KANSL1: variants seen among roughly 807,000 people sequenced by gnomAD.
The protein encoded by KANSL1 is MLL1/MLL complex subunit KANSL1.
Under a neutral mutation model 103.6 loss-of-function variants are expected in KANSL1, and 22 were observed. That is an observed-to-expected ratio of 0.21 (90% CI 0.15 to 0.30). The LOEUF is 0.30. KANSL1 is among the 10% of genes least tolerant of loss of function. The pLI is 1.00. For missense variants in KANSL1, 1,337 were observed against 1,399.8 expected, an observed-to-expected ratio of 0.96 and a Z score of 0.72; for synonymous variants, 600 against 527.6, an observed-to-expected ratio of 1.14 and a Z score of -1.88.
At chr17:46,206,478 C>T (rs1355575736) in intron 1 of KANSL1, among the ~76,000 whole-genome samples, 1 of 152,222 alleles carries the variant, frequency 6.6e-6, no homozygotes, top group Non-Finnish European at 1.5e-5. Flanking sequence ...ATAATCCCAG[C>T]ATTTGGGGAG....
chr17:46,055,947 G>C (rs1045424198), intron 6 of KANSL1, among the ~76,000 whole-genome samples: 1 of 152,166 alleles, frequency 6.6e-6, no homozygotes, highest in Non-Finnish European at 1.5e-5. Flanking sequence ...GAAAACGGCT[G>C]CATTTCTGCC....
intron 2 of KANSL1, among the ~76,000 whole-genome samples, chr17:46,112,187 T>G (rs1486286466): frequency 6.6e-6 from 1 of 151,728 alleles, no homozygotes; most frequent in Non-Finnish European, 1.5e-5. Context: ...ACCAACATGG[T>G]GAAACCCCAT....
intron 3 of KANSL1, among the ~76,000 whole-genome samples, chr17:46,090,912 T>C (rs2079359097): frequency 6.6e-6 from 1 of 150,776 alleles, no homozygotes; most frequent in African/African-American, 2.4e-5. Flanking sequence ...AAAGCTATGT[T>C]ACTGTTACAC....
intron 2 of KANSL1, among the ~76,000 whole-genome samples, chr17:46,136,112 G>A (rs1400799262): frequency 6.6e-6 from 1 of 152,144 alleles, no homozygotes. Flanking sequence ...CCACTGAGAA[G>A]CTGGGCACTG....
At chr17:46,220,478 AG>A (rs1441890551) in intron 1 of KANSL1, among the ~76,000 whole-genome samples, 1 of 152,150 alleles carries the variant, frequency 6.6e-6, no homozygotes, top group Non-Finnish European at 1.5e-5. Context: ...GGCCTCCCAA[AG>A]TGCTGGGATT....
At chr17:46,063,868 A>G (rs1281782666) in intron 6 of KANSL1, among the ~76,000 whole-genome samples, 2 of 150,558 alleles carry the variant, frequency 1.3e-5, no homozygotes, top group African/African-American at 2.4e-5. Flanking sequence ...AAAACAGAGG[A>G]AGGGTGCTTT....
At chr17:46,114,115 C>A (rs182566184) in intron 2 of KANSL1, among the ~76,000 whole-genome samples, 1 of 152,212 alleles carries the variant, frequency 6.6e-6, no homozygotes, top group African/African-American at 2.4e-5. Context: ...AATCCCAGCA[C>A]AATGGGAGGC....
intron 2 of KANSL1, among the ~76,000 whole-genome samples, chr17:46,148,494 A>C (rs1311337453): frequency 6.6e-6 from 1 of 152,202 alleles, no homozygotes; most frequent in Non-Finnish European, 1.5e-5. Flanking sequence ...CTCTGAACTA[A>C]TTATTTAACA....
chr17:46,032,886 A>T (rs1033062517), intron 13 of KANSL1, among the ~76,000 whole-genome samples, 194 bp downstream of exon 13: 16 of 152,188 alleles, frequency 1.1e-4, no homozygotes, highest in Admixed American at 1.0e-3. Flanking sequence ...TTGGCTCCTT[A>T]TATCTCCACT....
At chr17:46,144,645 AC>A (rs1178906038) in intron 2 of KANSL1, among the ~76,000 whole-genome samples, 3 of 152,048 alleles carry the variant, frequency 2.0e-5, no homozygotes, top group Non-Finnish European at 4.4e-5. Flanking sequence ...ATCCCCCTTC[AC>A]CAAAAAGATT....
intron 3 of KANSL1, among the ~76,000 whole-genome samples, chr17:46,084,381 C>CCAACAA (rs74515016): frequency 0.14 from 21,440 of 151,214 alleles, 2,047 homozygotes; most frequent in Middle Eastern, 0.22. Context: ...GGCTCTATCT[C>CCAACAA]CAACAACAAC....
intron 2 of KANSL1, chr17:46,170,149 A>C (rs1294212781): frequency 6.6e-6 from 1 of 150,724 alleles, no homozygotes; most frequent in Non-Finnish European, 1.5e-5. Context: ...AACTGTCTCA[A>C]AACAAAACAA....
intron 1 of KANSL1, among the ~76,000 whole-genome samples, chr17:46,174,737 C>T (rs1657445148): frequency 6.6e-6 from 1 of 152,118 alleles, no homozygotes. Context: ...TGCAGCGGCA[C>T]AATCATGGCT....
At chr17:46,157,002 G>A (rs754286361) in intron 2 of KANSL1, 1 of 152,238 alleles carries the variant, frequency 6.6e-6, no homozygotes, top group South Asian at 2.1e-4. Flanking sequence ...CTAACCACCA[G>A]AGAAGTGTTT....
intron 2 of KANSL1, among the ~76,000 whole-genome samples, chr17:46,101,355 T>C (rs914464877): frequency 6.6e-6 from 1 of 152,202 alleles, no homozygotes; most frequent in African/African-American, 2.4e-5. Flanking sequence ...AACATATAAA[T>C]TGACCTCTGC....
chr17:46,171,691 T>C lies in KANSL1; in HGVS notation c.453A>G (p.Gln151=). 1 of 1,554,702 alleles carries C rather than the reference T, an allele frequency of 6.4e-7. No homozygotes were observed. The highest frequency in any genetic ancestry group is 8.7e-7 in the Non-Finnish European group (1 of 1,154,964). The change falls in exon 2 of 15, where the codon CAA becomes CAG. Residue 151 remains glutamine, a synonymous_variant. Transcript: ENST00000432791. The part of the protein sequence containing the change: ...MNTSGQTALP[Q]APVNGLAKKL... The stretch of plus-strand genomic sequence containing the variant: ...TCTTAGCCAACCCATTTACAGGTGC[T>C]TGTGGCAGAGCTGTCTGACCACTCG...
intron 1 of KANSL1, among the ~76,000 whole-genome samples, chr17:46,173,586 A>G (rs1428048633): frequency 3.3e-5 from 5 of 152,190 alleles, no homozygotes; most frequent in African/African-American, 1.2e-4. Flanking sequence ...AATCAAAGGT[A>G]TTTTCATAGC....
chr17:46,112,368 CAAAAAAAAA>C (rs34480982), intron 2 of KANSL1, among the ~76,000 whole-genome samples: 22 of 51,076 alleles, frequency 4.3e-4, no homozygotes, highest in African/African-American at 7.1e-4. Flanking sequence ...AACTCTGTCT[CAAAAAAAAA>C]AAAAAAAAAA....
intron 6 of KANSL1, among the ~76,000 whole-genome samples, chr17:46,054,226 A>G (rs62063681): frequency 0.14 from 21,802 of 152,150 alleles, 2,130 homozygotes; most frequent in Non-Finnish European, 0.22. Flanking sequence ...CTAATCTTTT[A>G]TATTTTTAGT....
Sources: gnomAD v4.1 joint callset for allele counts (sites outside exome capture counted in the v4.1 genomes callset) on GRCh38, gnomAD v4.1.1 for gene constraint, MANE v1.5 for transcripts, NCBI Gene and HGNC (gene_info 2026-07-23, HGNC 2026-07-21) for gene names.